Variants in TRAPPC11 observed in about 807,000 individuals in gnomAD.
TRAPPC11 encodes trafficking protein particle complex subunit 11.
In TRAPPC11, 104 loss-of-function variants were observed where a neutral mutation model predicts 151.2. The ratio of observed to expected loss-of-function variants is 0.69; its 90% CI spans 0.59 to 0.81. The LOEUF (loss-of-function observed/expected upper bound fraction) is 0.81, where lower values mean the gene tolerates loss of function less well. Among genes scored for constraint, TRAPPC11 ranks in the 30% least tolerant of loss-of-function variants. The probability of loss-of-function intolerance (pLI) is 0.00; values close to 1 mark genes in which losing one functional copy is unlikely to be tolerated. For missense variants in TRAPPC11, 1,230 were observed against 1,349.6 expected (o/e 0.91, Z 1.39); for synonymous variants, 456 against 472.3 (o/e 0.97, Z 0.45).
chr4:183,692,870 C>CTT (rs1357942824), intron 19 of TRAPPC11, 90 bp from the exon 20 acceptor site: 1 of 1,216,850 alleles, frequency 8.2e-7, no homozygotes, highest in African/African-American at 1.5e-5. Flanking sequence ...ACTCCATGGT[C>CTT]TTAGCAGTCG....
At chr4:183,690,834 C>A (rs1736223094) in intron 18 of TRAPPC11, among the ~76,000 whole-genome samples, 1 of 152,018 alleles carries the variant, frequency 6.6e-6, no homozygotes. Flanking sequence ...CTAGTGTGAT[C>A]GTACATGCCT....
intron 19 of TRAPPC11, 59 bp from the exon 20 acceptor site, chr4:183,692,901 G>A: frequency 6.8e-7 from 1 of 1,480,914 alleles, no homozygotes; most frequent in East Asian, 2.3e-5. Flanking sequence ...TTTGGTGAGA[G>A]GAGATGGTGA....
chr4:183,679,293 G>T (rs1287437509), intron 8 of TRAPPC11, 60 bp from the exon 9 acceptor site: 5 of 1,423,962 alleles, frequency 3.5e-6, no homozygotes, highest in Non-Finnish European at 4.7e-6. Context: ...GTTTTTAAAT[G>T]AATATGTCTT....
intron 1 of TRAPPC11, among the ~76,000 whole-genome samples, chr4:183,661,449 G>C (rs1023403093): frequency 6.7e-5 from 9 of 133,792 alleles, no homozygotes; most frequent in African/African-American, 1.4e-4. Context: ...TCCGCTCACT[G>C]CAAGCTCCGC....
rs943168715 is a variant in TRAPPC11, at chr4:183,694,660, A to G, written c.2565A>G (p.Val855=). 8.7e-6 allele frequency: 14 copies of G among 1,612,196 alleles called. No individual in the cohort carries two copies. Among genetic ancestry groups the G allele is most frequent in the South Asian group, 4.4e-5 (4 of 90,404 alleles). Residue 855 remains valine (V), a synonymous_variant, in exon 23 of 30, where the codon GTA becomes GTG. Transcript: ENST00000334690. ...CGTVGSRMFL[V]YVSYLINTTV... Reference sequence around the variant, plus strand: ...CAGTGGGTTCCAGAATGTTTCTTGTATATGTTTCTTACCTGATAAATACAA... The same window carrying G: ...CAGTGGGTTCCAGAATGTTTCTTGTGTATGTTTCTTACCTGATAAATACAA...
chr4:183,693,354 G>A (rs1472526357), intron 20 of TRAPPC11, among the ~76,000 whole-genome samples: 2 of 152,022 alleles, frequency 1.3e-5, no homozygotes, highest in Non-Finnish European at 2.9e-5. Flanking sequence ...ACAGCCAGGT[G>A]CCACCATGCC....
chr4:183,666,823 T>A, intron 3 of TRAPPC11: 1 of 471,342 alleles, frequency 2.1e-6, no homozygotes, highest in Non-Finnish European at 3.8e-6. Flanking sequence ...AAAGTATACA[T>A]TAATCTTTTG....
At chr4:183,687,788 G>A (rs938127311) in intron 18 of TRAPPC11, among the ~76,000 whole-genome samples, 2 of 152,158 alleles carry the variant, frequency 1.3e-5, no homozygotes, top group Admixed American at 1.3e-4. Context: ...TTAAAAAATT[G>A]AAATGGAATA....
At position 183,675,189 on chromosome 4, in the gene TRAPPC11, A is replaced by G; in HGVS notation, c.686A>G (p.Lys229Arg). ...CTTTTATTTGTTAGGCATCAGTTCA[A>G]AATAGCTTTCTTCAGTGAGTTGAAA... Reference protein sequence around the residue: ...HQLLFVRHQFKIAFFSELKQD... With the variant: ...HQLLFVRHQFRIAFFSELKQD... Residue 229 changes from lysine to arginine, a missense_variant, in exon 7 of 30, where the codon AAA becomes AGA. Lys to Arg is a conservative substitution (Grantham distance 26, BLOSUM62 2). Transcript: ENST00000334690. 1.3e-6 allele frequency: 2 copies of G among 1,543,320 alleles called. No homozygotes were observed. The highest frequency in any genetic ancestry group is 1.7e-6 in the Non-Finnish European group (2 of 1,143,590).
intron 5 of TRAPPC11, among the ~76,000 whole-genome samples, chr4:183,669,156 A>G (rs917359960): frequency 5.9e-5 from 9 of 152,260 alleles, no homozygotes; most frequent in African/African-American, 2.2e-4. Flanking sequence ...AAATCTTTAC[A>G]CTGGAAGCAG....
intron 10 of TRAPPC11, among the ~76,000 whole-genome samples, chr4:183,680,953 A>C (rs1484224402): frequency 6.6e-6 from 1 of 151,750 alleles, no homozygotes; most frequent in Non-Finnish European, 1.5e-5. Flanking sequence ...TTGGCCTTCC[A>C]AAGTGCTGGA....
intron 7 of TRAPPC11, 38 bp from the exon 8 acceptor site, chr4:183,677,420 T>A: frequency 8.2e-7 from 1 of 1,220,376 alleles, no homozygotes; most frequent in South Asian, 1.3e-5. Flanking sequence ...AATCGTTTAT[T>A]AAACTAATTT....
At chr4:183,661,392 G>A (rs1173009092) in intron 1 of TRAPPC11, among the ~76,000 whole-genome samples, 8 of 120,670 alleles carry the variant, frequency 6.6e-5, no homozygotes, top group East Asian at 2.6e-4. Flanking sequence ...TTTTTGAGAC[G>A]GAGTCTCCTC....
At chr4:183,694,100 T>A (rs1736405798) in intron 22 of TRAPPC11, 62 bp downstream of exon 22, 2 of 1,577,868 alleles carry the variant, frequency 1.3e-6, no homozygotes, top group Admixed American at 3.4e-5. Context: ...AAATATATAG[T>A]GAGTTTTTAA....
At chr4:183,663,454 C>T (rs532811587) in intron 1 of TRAPPC11, among the ~76,000 whole-genome samples, 17 of 151,716 alleles carry the variant, frequency 1.1e-4, no homozygotes, top group Non-Finnish European at 1.6e-4. Flanking sequence ...AGGATGGTCT[C>T]GATCTCCTGA....
At chr4:183,694,971 G>A (rs1322329279) in intron 23 of TRAPPC11, among the ~76,000 whole-genome samples, 13 of 141,496 alleles carry the variant, frequency 9.2e-5, no homozygotes, top group South Asian at 6.6e-4. Flanking sequence ...TTTTTGAGGC[G>A]GAGTTTTGCC....
intron 15 of TRAPPC11, 79 bp from the exon 16 acceptor site, chr4:183,685,005 A>C: frequency 7.0e-7 from 1 of 1,424,562 alleles, no homozygotes; most frequent in Non-Finnish European, 9.7e-7. Flanking sequence ...TTATTATATC[A>C]AGTTTCTAAA....
At chr4:183,663,049 T>C (rs1327094294) in intron 1 of TRAPPC11, among the ~76,000 whole-genome samples, 1 of 152,162 alleles carries the variant, frequency 6.6e-6, no homozygotes, top group Non-Finnish European at 1.5e-5. Context: ...CCTTTTGCCT[T>C]TTTGTAATGA....
intron 26 of TRAPPC11, among the ~76,000 whole-genome samples, chr4:183,702,062 G>A (rs1014254105): frequency 6.6e-6 from 1 of 152,140 alleles, no homozygotes; most frequent in African/African-American, 2.4e-5. Context: ...AATGTTCATG[G>A]GCTGGGCGCA....
Sources: gnomAD v4.1 joint callset for allele counts (sites outside exome capture counted in the v4.1 genomes callset) on GRCh38, gnomAD v4.1.1 for gene constraint, MANE v1.5 for transcripts, NCBI Gene and HGNC (gene_info 2026-07-23, HGNC 2026-07-21) for gene names.